The following NFIA variants were observed in gnomAD, a reference collection of about 807,000 sequenced individuals.
NFIA encodes nuclear factor 1 A-type.
In NFIA, 8 loss-of-function variants were observed where a neutral mutation model predicts 62.8. That is an observed-to-expected ratio of 0.13 (90% CI 0.07 to 0.23). The LOEUF (loss-of-function observed/expected upper bound fraction) is 0.23, where lower values mean the gene tolerates loss of function less well. NFIA is among the 10% of genes least tolerant of loss of function. The pLI is 1.00. For synonymous variants in NFIA, 235 were observed against 238.1 expected (o/e 0.99, Z 0.12); for missense variants, 410 against 642.1 (o/e 0.64, Z 3.91).
chr1:61,089,705 T>C (rs932008858), intron 2 of NFIA, among the ~76,000 whole-genome samples: 1 of 150,560 alleles, frequency 6.6e-6, no homozygotes, highest in Non-Finnish European at 1.5e-5. Context: ...CTTTTTTTTT[T>C]TTTTTTTTTA....
chr1:61,417,704 G>T (rs1666418249), intron 9 of NFIA, among the ~76,000 whole-genome samples: 1 of 152,114 alleles, frequency 6.6e-6, no homozygotes, highest in Non-Finnish European at 1.5e-5. Flanking sequence ...AGGCAAATGT[G>T]TTGGGGATAT....
chr1:61,140,965 G>GTTTTTTTTTTTTT (rs35173386), intron 2 of NFIA, among the ~76,000 whole-genome samples: 2 of 88,598 alleles, frequency 2.3e-5, no homozygotes, highest in Non-Finnish European at 2.1e-5. Flanking sequence ...CCACAGCTGG[G>GTTTTTTTTTTTTT]TTTTTTTTTT....
Position 61,122,915 on chromosome 1 carries a change from CT to C in NFIA, c.559+34236del, listed in dbSNP as rs752609612. Among the ~76,000 whole-genome samples the C allele has an allele frequency of 1.7e-3, 260 of 152,248 alleles. 4 individuals carry two copies. The highest frequency in any genetic ancestry group is 1.5e-3 in the Non-Finnish European group (104 of 68,014). On this transcript the variant is annotated intron_variant, in intron 2 of 10. Transcript: ENST00000403491. ...TGCATTTGCTATTTTTCCTAATGCT[CT>C]CCCCCACCCAGCCCAAGCTCTTCAT...
chr1:61,284,529 C>T (rs1346837886), intron 3 of NFIA, among the ~76,000 whole-genome samples: 1 of 143,794 alleles, frequency 7.0e-6, no homozygotes, highest in Non-Finnish European at 1.5e-5. Flanking sequence ...GCTTAAGCCA[C>T]GGGATCCAGT....
At chr1:61,305,843 ATTTTTTTTT>A (rs754217285) in intron 3 of NFIA, among the ~76,000 whole-genome samples, 1 of 123,782 alleles carries the variant, frequency 8.1e-6, no homozygotes, top group Non-Finnish European at 1.7e-5. Context: ...TCTTCTTTTG[ATTTTTTTTT>A]TTTTTTTTTT....
intron 2 of NFIA, among the ~76,000 whole-genome samples, chr1:61,116,136 G>T (rs947154189): frequency 6.6e-6 from 1 of 151,836 alleles, no homozygotes; most frequent in Non-Finnish European, 1.5e-5. Flanking sequence ...AAGTTAAATG[G>T]TATAAAAGCA....
chr1:61,308,391 G>T (rs969274725), intron 3 of NFIA, among the ~76,000 whole-genome samples: 2 of 152,150 alleles, frequency 1.3e-5, no homozygotes, highest in Non-Finnish European at 2.9e-5. Flanking sequence ...AATTGCTTAA[G>T]GTCTCATTGA....
intron 2 of NFIA, among the ~76,000 whole-genome samples, chr1:61,098,689 G>A (rs1220318695): frequency 1.3e-5 from 2 of 152,096 alleles, no homozygotes; most frequent in Admixed American, 1.3e-4. Context: ...ACTTTTAGAA[G>A]TCTCTCCTTT....
At chr1:61,411,814 G>A (rs995355568) in intron 9 of NFIA, among the ~76,000 whole-genome samples, 1 of 151,670 alleles carries the variant, frequency 6.6e-6, no homozygotes, top group South Asian at 2.1e-4. Flanking sequence ...AGACGAGAGG[G>A]TGAGCAAGGA....
intron 3 of NFIA, among the ~76,000 whole-genome samples, chr1:61,315,786 T>C (rs1660336825): frequency 6.6e-6 from 1 of 152,202 alleles, no homozygotes; most frequent in East Asian, 1.9e-4. Flanking sequence ...TAAGGACGGG[T>C]CATTTTGGTG....
chr1:61,352,398 A>AT (rs1468528190), intron 4 of NFIA, 52 bp from the exon 5 acceptor site: 10 of 1,329,652 alleles, frequency 7.5e-6, no homozygotes, highest in Admixed American at 1.7e-5. Context: ...GCTGTCATTG[A>AT]TTTTTTTATC....
At chr1:61,378,994 A>G (rs1009488998) in intron 6 of NFIA, among the ~76,000 whole-genome samples, 1 of 152,142 alleles carries the variant, frequency 6.6e-6, no homozygotes, top group Non-Finnish European at 1.5e-5. Flanking sequence ...CCCTCCAGGG[A>G]TAATATATTT....
At chr1:61,171,707 G>A (rs1301400637) in intron 2 of NFIA, among the ~76,000 whole-genome samples, 1 of 152,156 alleles carries the variant, frequency 6.6e-6, no homozygotes, top group Admixed American at 6.5e-5. Flanking sequence ...TGCTATACCT[G>A]TGTGGGTGTG....
chr1:61,186,253 T>A (rs1465599319), intron 2 of NFIA, among the ~76,000 whole-genome samples: 1 of 152,206 alleles, frequency 6.6e-6, no homozygotes, highest in Non-Finnish European at 1.5e-5. Context: ...TGACTAGTTG[T>A]ATGAACTGCC....
intron 2 of NFIA, among the ~76,000 whole-genome samples, chr1:61,168,877 C>T (rs919645237): frequency 6.6e-6 from 1 of 152,048 alleles, no homozygotes; most frequent in Admixed American, 6.6e-5. Flanking sequence ...TTTTTTGCAG[C>T]AAGACTTACT....
In NFIA at chr1:61,359,132, C is replaced by T. The variant is rs1388328215; in HGVS notation, c.819-15C>T. ...TTGCGATTGCTTTTAAACATGCACCCATTTGTTATTTCAGCTCCACAAAGC... is the reference window on the plus strand; with the variant it reads ...TTGCGATTGCTTTTAAACATGCACCTATTTGTTATTTCAGCTCCACAAAGC... On this transcript the variant is annotated splice_polypyrimidine_tract_variant and intron_variant, in intron 5 of 10. Coordinates refer to ENST00000403491, the MANE Select transcript of NFIA (RefSeq NM_001134673.4). 2 of 1,612,564 alleles carry T rather than the reference C, an allele frequency of 1.2e-6. No homozygotes were observed. Among genetic ancestry groups the T allele is most frequent in the Non-Finnish European group, 1.7e-6 (2 of 1,179,470 alleles).
At chr1:61,183,062 A>G (rs1362630738) in intron 2 of NFIA, among the ~76,000 whole-genome samples, 3 of 151,942 alleles carry the variant, frequency 2.0e-5, no homozygotes, top group Non-Finnish European at 2.9e-5. Flanking sequence ...TCTTATTTCT[A>G]CCTGTTTCAG....
intron 2 of NFIA, among the ~76,000 whole-genome samples, chr1:61,155,295 C>T (rs1246374438): frequency 1.3e-5 from 2 of 152,180 alleles, no homozygotes; most frequent in Non-Finnish European, 2.9e-5. Context: ...ATATACATTT[C>T]CAGGAAATTG....
At chr1:61,224,474 A>AC (rs1180969403) in intron 2 of NFIA, among the ~76,000 whole-genome samples, 4 of 151,986 alleles carry the variant, frequency 2.6e-5, no homozygotes, top group Non-Finnish European at 5.9e-5. Flanking sequence ...TTTTCATGCA[A>AC]CCCCCATTAA....
Sources: gnomAD v4.1 joint callset for allele counts (sites outside exome capture counted in the v4.1 genomes callset) on GRCh38, gnomAD v4.1.1 for gene constraint, MANE v1.5 for transcripts, NCBI Gene and HGNC (gene_info 2026-07-23, HGNC 2026-07-21) for gene names.